RNF40: variants seen among roughly 807,000 people sequenced by gnomAD.
RNF40 encodes the protein ring finger protein 40.
A neutral mutation model predicts 123.3 loss-of-function variants in RNF40; 39 were observed. The observed-to-expected ratio is 0.32, with a 90% CI of 0.24 to 0.41. The LOEUF is 0.41. Among genes scored for constraint, RNF40 ranks in the 10% least tolerant of loss-of-function variants. The pLI is 1.00. For synonymous variants in RNF40, 538 were observed against 526.0 expected (o/e 1.02, Z -0.31); for missense variants, 1,003 against 1,319.9 (o/e 0.76, Z 3.72).
At position 30,768,139 on chromosome 16, in the gene RNF40, C is replaced by A. The variant is rs771919913; in HGVS notation, c.1588C>A (p.Pro530Thr). The change falls in exon 13 of 20, where the codon CCC becomes ACC. Residue 530 changes from proline to threonine, a missense_variant. Pro to Thr is a conservative substitution (Grantham distance 38). This residue lies in a region of RNF40 where 295 missense variants were observed against 331.7 expected (regional missense o/e 0.89). Coordinates refer to ENST00000324685, the MANE Select transcript of RNF40 (RefSeq NM_014771.4). This position sits in a 1 kb window ranked among gnomAD's most constrained non-coding sequence, Gnocchi z 4.1. The part of the protein sequence containing the change: ...AQASGSAHST[P>T]NLGHPEDSGV... ...GGCCAGTGGCTCTGCCCACTCCACCCCCAACCTGGGCCACCCAGAGGATTC... is the reference window on the plus strand; with the variant it reads ...GGCCAGTGGCTCTGCCCACTCCACCACCAACCTGGGCCACCCAGAGGATTC... 3 of 1,607,710 alleles carry A rather than the reference C, an allele frequency of 1.9e-6. No individual in the cohort carries two copies. The South Asian group carries it at 3.3e-5, about 18-fold the overall frequency.
chr16:30,762,770 A>G, intron 2 of RNF40, 93 bp downstream of exon 2: 1 of 1,497,742 alleles, frequency 6.7e-7, no homozygotes, highest in South Asian at 1.2e-5. Context: ...CCACTTCCCC[A>G]AGTTTAGCAA....
intron 19 of RNF40, 40 bp from the exon 20 acceptor site, chr16:30,773,898 G>A (rs1180754144): frequency 6.3e-7 from 1 of 1,584,988 alleles, no homozygotes. Context: ...TCTGGGCACT[G>A]TCAGAGTTGT....
rs187497390 is a variant in RNF40 at position 30,765,356 on chromosome 16, G to T, written c.918+29G>T. The T allele has an allele frequency of 1.6e-5, 26 of 1,614,110 alleles. No homozygotes were observed. In the East Asian group the frequency reaches 5.6e-4, roughly 35 times the overall value. On this transcript the variant is annotated intron_variant, in intron 7 of 19. Transcript: ENST00000324685. ...GGGCAGGGGTGCTGGGGCAGGTGAG[G>T]CAAGGCTGGGCCCTTGGGCCTTAGC... is the stretch of plus-strand genomic sequence containing the variant.
chr16:30,768,468 C>G lies in RNF40; in HGVS notation c.1917C>G (p.Ala639=). Residue 639 remains alanine (A), a synonymous_variant, in exon 13 of 20, where the codon GCC becomes GCG. Coordinates refer to ENST00000324685, the MANE Select transcript of RNF40 (RefSeq NM_014771.4). The surrounding 1 kb of genome is among the most constrained non-coding windows in gnomAD (Gnocchi z 4.1). ...TCTCAAGGGCTGATCGGGAGAAGGC[C>G]AAGGTGGAAGAAACCAAGCGGAAGG... ...SALSRADREK[A]KVEETKRKES... The G allele has an allele frequency of 6.2e-7, 1 of 1,611,036 alleles. No homozygotes were observed. Among genetic ancestry groups the G allele is most frequent in the East Asian group, 2.2e-5 (1 of 44,820 alleles).
In RNF40 at chr16:30,763,418, C is replaced by T. The variant is rs1464434444; in HGVS notation, c.301C>T (p.Leu101=). ...CATTTTTGATGTTTTCTCCTTCCAG[C>T]TGGATGAAACTGTGGAAGCCCTTCT... ...LLIVNRYWAQ[L]DETVEALLRC... is the part of the protein sequence containing the mutation. The change falls in exon 4 of 20, where the codon CTG becomes TTG. Residue 101 remains leucine (L), a splice_region_variant and synonymous_variant. Coordinates refer to ENST00000324685, the MANE Select transcript of RNF40 (RefSeq NM_014771.4). 2 of 1,602,116 alleles carry T rather than the reference C, an allele frequency of 1.2e-6. No homozygotes were observed. Among genetic ancestry groups the T allele is most frequent in the Non-Finnish European group, 1.7e-6 (2 of 1,173,896 alleles).
intron 8 of RNF40, among the ~76,000 whole-genome samples, 191 bp from the exon 9 acceptor site, chr16:30,765,972 A>G (rs1387098451): frequency 6.6e-6 from 1 of 152,182 alleles, no homozygotes; most frequent in Non-Finnish European, 1.5e-5. Flanking sequence ...CTTAGTTCCC[A>G]GCACCGACCA....
intron 18 of RNF40, 54 bp downstream of exon 18, chr16:30,772,027 C>T: frequency 3.1e-6 from 5 of 1,588,166 alleles, no homozygotes; most frequent in Non-Finnish European, 3.4e-6. Context: ...ACGGACCTAT[C>T]CTGGGGGCAA....
chr16:30,767,827 C>A, intron 11 of RNF40, 67 bp from the exon 12 acceptor site: 1 of 1,609,200 alleles, frequency 6.2e-7, no homozygotes, highest in Non-Finnish European at 8.5e-7. Context: ...CCTCTTACCC[C>A]ACTGAGGGGT....
chr16:30,768,728 A>G lies in RNF40; in HGVS notation c.2089A>G (p.Lys697Glu). 2 of 1,613,990 alleles carry G rather than the reference A, an allele frequency of 1.2e-6. No homozygotes were observed. The highest frequency in any genetic ancestry group is 1.7e-6 in the Non-Finnish European group (2 of 1,180,042). Reference sequence around the variant, plus strand: ...GCTCATGGCAGCGGAACGCAAGGCTAAGGCCGAGGTGAGGGCAGCTGGGGC... The same window carrying G: ...GCTCATGGCAGCGGAACGCAAGGCTGAGGCCGAGGTGAGGGCAGCTGGGGC... ...VQLMAAERKA[K>E]AEVDELRSRI... Residue 697 changes from lysine (K) to glutamate (E), a missense_variant, in exon 14 of 20, where the codon AAG becomes GAG. Lys to Glu is a moderately conservative substitution (Grantham distance 56, BLOSUM62 1). Around this residue, in one of 11 missense-constraint regions of RNF40, gnomAD observed 295 missense variants for 331.7 expected, o/e 0.89. Transcript: ENST00000324685. This position sits in a 1 kb window ranked among gnomAD's most constrained non-coding sequence, Gnocchi z 4.1.
At chr16:30,761,705 T>G (rs1229092945), upstream of RNF40, 1 of 1,533,102 alleles carries the variant, frequency 6.5e-7, no homozygotes, top group South Asian at 1.2e-5. Flanking sequence ...AAGCTCCGAC[T>G]GCACCCTCAT....
In RNF40 at chr16:30,762,511, T is replaced by G; in HGVS notation, c.-35T>G. 6.4e-7 allele frequency: 1 copy of G among 1,559,310 alleles called. No homozygotes were observed. The highest frequency in any genetic ancestry group is 1.4e-5 in the African/African-American group (1 of 72,414). On this transcript the variant is annotated 5_prime_UTR_variant, in exon 2 of 20. Transcript: ENST00000324685. ...ACCGCCTCCTCCCGTTTGACGCCCC[T>G]CAGGGGACCCTGCATCGCTCCAGCC...
rs780776645 is a variant in RNF40 at position 30,766,704 on chromosome 16, G to A, written c.1294-37G>A. 9 of 1,612,632 alleles carry A rather than the reference G, an allele frequency of 5.6e-6. No individual in the cohort carries two copies. Among genetic ancestry groups the A allele is most frequent in the Non-Finnish European group, 6.8e-6 (8 of 1,179,320 alleles). On this transcript the variant is annotated intron_variant, in intron 10 of 19. Coordinates refer to ENST00000324685, the MANE Select transcript of RNF40 (RefSeq NM_014771.4). The surrounding 1 kb of genome is among the most constrained non-coding windows in gnomAD (Gnocchi z 5.4). ...AGATACTGAGTCCTGAGGTGGGACC[G>A]AGGGGCTGTGTGGGTCCTTAACACA... is the stretch of plus-strand genomic sequence containing the variant.
chr16:30,761,917 C>T, upstream of RNF40: 1 of 670,658 alleles, frequency 1.5e-6, no homozygotes, highest in South Asian at 2.1e-5. Flanking sequence ...CTCCCTCCGT[C>T]TCAACGGCGA....
In RNF40 at chr16:30,766,143, C is replaced by T. The variant is rs776510470; in HGVS notation, c.994-20C>T. The T allele has an allele frequency of 1.2e-6, 2 of 1,613,618 alleles. No homozygotes were observed. Among genetic ancestry groups the T allele is most frequent in the Admixed American group, 1.7e-5 (1 of 60,020 alleles). On this transcript the variant is annotated intron_variant, in intron 8 of 19. Coordinates refer to ENST00000324685, the MANE Select transcript of RNF40 (RefSeq NM_014771.4). The surrounding 1 kb of genome is among the most constrained non-coding windows in gnomAD (Gnocchi z 5.4). ...CCACGTCTGGCCCTGCCTCCCATGG[C>T]CCTGCCTCCCACTCCTTAGTTTGAG...
chr16:30,761,949 A>G, upstream of RNF40: 1 of 591,280 alleles, frequency 1.7e-6, no homozygotes, highest in Non-Finnish European at 2.9e-6. Context: ...GGGGCTTGTG[A>G]GGGAAGGAAG....
At position 30,765,077 on chromosome 16, in the gene RNF40, T is replaced by C. The variant is rs762807329; in HGVS notation, c.771+18T>C. The C allele has an allele frequency of 5.6e-6, 9 of 1,612,938 alleles. No homozygotes were observed. The highest frequency in any genetic ancestry group is 1.1e-5 in the South Asian group (1 of 91,048). Reference sequence around the variant, plus strand: ...CATTGGAGGTGAGGAGCCGGGGGCTTTGGGGGTGTGATTAGAATCAGGCAG... The same window carrying C: ...CATTGGAGGTGAGGAGCCGGGGGCTCTGGGGGTGTGATTAGAATCAGGCAG... On this transcript the variant is annotated intron_variant, in intron 6 of 19. Coordinates refer to ENST00000324685, the MANE Select transcript of RNF40 (RefSeq NM_014771.4).
At position 30,766,646 on chromosome 16, in the gene RNF40, A is replaced by C; in HGVS notation, c.1293+88A>C. On this transcript the variant is annotated intron_variant, in intron 10 of 19. Transcript: ENST00000324685. This position sits in a 1 kb window ranked among gnomAD's most constrained non-coding sequence, Gnocchi z 5.4. ...TGTGCCTTCCGAGGCCCTGTGTGCC[A>C]GCCAGGGGTCCCTGGGGAATAGATT... The C allele has an allele frequency of 6.3e-7, 1 of 1,587,046 alleles. No homozygotes were observed.
In RNF40 at chr16:30,766,737, A is replaced by G; in HGVS notation, c.1294-4A>G. ...GTGTGGGTCCTTAACACATCAACCC[A>G]CAGAGCGACGAGCTGGGGCTGCAGA... On this transcript the variant is annotated splice_polypyrimidine_tract_variant and splice_region_variant and intron_variant, in intron 10 of 19. Coordinates refer to ENST00000324685, the MANE Select transcript of RNF40 (RefSeq NM_014771.4). The surrounding 1 kb of genome is among the most constrained non-coding windows in gnomAD (Gnocchi z 5.4). 2.5e-6 allele frequency: 4 copies of G among 1,613,962 alleles called. No individual in the cohort carries two copies. Among genetic ancestry groups the G allele is most frequent in the Non-Finnish European group, 3.4e-6 (4 of 1,179,996 alleles).
At chr16:30,763,311 C>T in intron 3 of RNF40, 26 bp downstream of exon 3, 1 of 1,612,778 alleles carries the variant, frequency 6.2e-7, no homozygotes, top group Admixed American at 1.7e-5. Context: ...TTTCAAAGAC[C>T]AGGCCTTGAT....
Sources: gnomAD v4.1 joint callset for allele counts (sites outside exome capture counted in the v4.1 genomes callset) on GRCh38, gnomAD v4.1.1 for gene constraint, gnomAD v4.1.1 regional missense constraint, Gnocchi (gnomAD v3.1) non-coding constraint, MANE v1.5 for transcripts, NCBI Gene and HGNC (gene_info 2026-07-23, HGNC 2026-07-21) for gene names.